ARHGAP24: variants seen among roughly 807,000 people sequenced by gnomAD.
ARHGAP24 encodes rho GTPase-activating protein 24.
A neutral mutation model predicts 76.4 loss-of-function variants in ARHGAP24; 50 were observed. That is an observed-to-expected ratio of 0.65 (90% confidence interval 0.52 to 0.83). The LOEUF is 0.83. ARHGAP24 is among the 40% of genes least tolerant of loss of function. The pLI is 0.00. For missense variants in ARHGAP24, 930 were observed against 914.2 expected, an observed-to-expected ratio of 1.02 and a Z score of -0.22; for synonymous variants, 345 against 323.3, an observed-to-expected ratio of 1.07 and a Z score of -0.72.
chr4:85,666,155 A>G (rs895821085), intron 2 of ARHGAP24, among the ~76,000 whole-genome samples: 10 of 152,142 alleles, frequency 6.6e-5, no homozygotes, highest in African/African-American at 1.9e-4. Flanking sequence ...AAGTACACCA[A>G]TCAGATGTAG....
rs1740615301 is a variant in ARHGAP24, at chr4:85,995,591, G to C, written c.1937G>C (p.Ser646Thr). Residue 646 changes from serine to threonine, a missense_variant, in exon 9 of 10, where the codon AGT (serine) becomes ACT (threonine). Transcript: ENST00000395184. The stretch of plus-strand genomic sequence containing the variant: ...AGCAGCAACCACAGTGCACTGCACA[G>C]TTTAGTTTCCAGCCTGAAACAGGAA... Reference protein sequence around the residue: ...NSSSNHSALHSLVSSLKQEMT... With the variant: ...NSSSNHSALHTLVSSLKQEMT... 22 of 1,614,012 alleles carry C rather than the reference G, an allele frequency of 1.4e-5. No individual in the cohort carries two copies. The highest frequency in any genetic ancestry group is 1.9e-5 in the Non-Finnish European group (22 of 1,180,000).
chr4:85,923,121 A>G (rs527621427), intron 3 of ARHGAP24, among the ~76,000 whole-genome samples: 48 of 152,126 alleles, frequency 3.2e-4, no homozygotes, highest in Non-Finnish European at 6.5e-4. Context: ...CTTCCAGAAC[A>G]GAGGCATAGA....
At chr4:85,995,948 A>G (rs1048288199) in intron 9 of ARHGAP24, among the ~76,000 whole-genome samples, 11 of 152,218 alleles carry the variant, frequency 7.2e-5, no homozygotes, top group African/African-American at 1.9e-4. Context: ...TTTGATTATT[A>G]TTAAATAGAT....
chr4:85,994,811 G>C lies in ARHGAP24; in HGVS notation c.1157G>C (p.Ser386Thr). ...WDKSESPQRS[S>T]MNNGSPTALS... ...AAGTCTGAGTCACCCCAGAGAAGCA[G>C]CATGAACAATGGATCCCCCACAGCT... Residue 386 changes from serine to threonine, a missense_variant, in exon 9 of 10, where the codon AGC (serine) becomes ACC (threonine). Ser to Thr is a moderately conservative substitution (Grantham distance 58, BLOSUM62 1). Coordinates refer to ENST00000395184, the MANE Select transcript of ARHGAP24 (RefSeq NM_001025616.3). 6.2e-7 allele frequency: 1 copy of C among 1,614,146 alleles called. No individual in the cohort carries two copies. Among genetic ancestry groups the C allele is most frequent in the Admixed American group, 1.7e-5 (1 of 60,016 alleles).
At chr4:85,735,299 A>G (rs1287347460) in intron 3 of ARHGAP24, among the ~76,000 whole-genome samples, 1 of 152,168 alleles carries the variant, frequency 6.6e-6, no homozygotes, top group Non-Finnish European at 1.5e-5. Context: ...CACTTCTCCC[A>G]TCATCCAGCA....
chr4:85,908,588 A>T (rs1408179890), intron 3 of ARHGAP24, among the ~76,000 whole-genome samples: 1 of 152,190 alleles, frequency 6.6e-6, no homozygotes, highest in Non-Finnish European at 1.5e-5. Flanking sequence ...AAGATGACAC[A>T]CTCAACAAAG....
chr4:85,705,123 A>G (rs1165153220), intron 2 of ARHGAP24, among the ~76,000 whole-genome samples: 2 of 152,148 alleles, frequency 1.3e-5, no homozygotes, highest in African/African-American at 2.4e-5. Flanking sequence ...ATAACACACT[A>G]TAATTTGAAT....
chr4:85,822,969 A>C (rs1239798338), intron 3 of ARHGAP24, among the ~76,000 whole-genome samples: 1 of 152,236 alleles, frequency 6.6e-6, no homozygotes, highest in Non-Finnish European at 1.5e-5. Context: ...AGTAATGGTA[A>C]TAACATGTCT....
intron 2 of ARHGAP24, among the ~76,000 whole-genome samples, chr4:85,650,922 G>A (rs1042846123): frequency 6.7e-6 from 1 of 149,662 alleles, no homozygotes; most frequent in Non-Finnish European, 1.5e-5. Context: ...TTGAAGCAAT[G>A]AATTGCCTTT....
At chr4:85,953,053 G>A (rs1301931579) in intron 5 of ARHGAP24, among the ~76,000 whole-genome samples, 2 of 152,180 alleles carry the variant, frequency 1.3e-5, no homozygotes, top group African/African-American at 2.4e-5. Context: ...TTTTGGAAGC[G>A]TTGGGAAGGT....
chr4:85,733,060 C>CTTTTTTGTTT (rs1725470812), intron 3 of ARHGAP24, among the ~76,000 whole-genome samples: 1 of 55,206 alleles, frequency 1.8e-5, no homozygotes, highest in Non-Finnish European at 3.2e-5. Flanking sequence ...GCCTCACCAA[C>CTTTTTTGTTT]TTTTTTTTTT....
chr4:85,609,409 C>A (rs1047228479), intron 2 of ARHGAP24, among the ~76,000 whole-genome samples: 1 of 152,160 alleles, frequency 6.6e-6, no homozygotes, highest in East Asian at 1.9e-4. Flanking sequence ...AAGAGTATTA[C>A]TCTGTTTCAG....
intron 3 of ARHGAP24, among the ~76,000 whole-genome samples, chr4:85,844,538 G>A (rs1249360450): frequency 6.6e-6 from 1 of 152,118 alleles, no homozygotes; most frequent in Non-Finnish European, 1.5e-5. Context: ...ACAAACACAC[G>A]CATACACACA....
At chr4:85,825,675 A>AT (rs998691166) in intron 3 of ARHGAP24, among the ~76,000 whole-genome samples, 2 of 152,174 alleles carry the variant, frequency 1.3e-5, no homozygotes, top group Non-Finnish European at 2.9e-5. Flanking sequence ...ATAAAAACTG[A>AT]TTTTTCCTTT....
At chr4:85,958,788 C>G (rs1738070415) in intron 5 of ARHGAP24, among the ~76,000 whole-genome samples, 1 of 152,112 alleles carries the variant, frequency 6.6e-6, no homozygotes, top group African/African-American at 2.4e-5. Flanking sequence ...TTTTATCACC[C>G]CAATAAGATT....
At chr4:85,518,848 G>A (rs1724625045) in intron 1 of ARHGAP24, among the ~76,000 whole-genome samples, 1 of 152,068 alleles carries the variant, frequency 6.6e-6, no homozygotes, top group Non-Finnish European at 1.5e-5. Flanking sequence ...TAAGTTTTTC[G>A]AATAATGACT....
chr4:85,820,862 C>T (rs181009613), intron 3 of ARHGAP24, among the ~76,000 whole-genome samples: 85 of 152,012 alleles, frequency 5.6e-4, no homozygotes, highest in Middle Eastern at 3.4e-3. Context: ...TATAATTTTA[C>T]TAACAAAACT....
chr4:85,834,625 A>C (rs1730169905), intron 3 of ARHGAP24, among the ~76,000 whole-genome samples: 1 of 152,206 alleles, frequency 6.6e-6, no homozygotes, highest in Non-Finnish European at 1.5e-5. Flanking sequence ...CAAAACGGAG[A>C]GAAGATCTGT....
chr4:85,747,547 C>CA (rs1318894801), intron 3 of ARHGAP24, among the ~76,000 whole-genome samples: 1 of 152,022 alleles, frequency 6.6e-6, no homozygotes, highest in African/African-American at 2.4e-5. Context: ...ACTAAAAATA[C>CA]AAAAAATTAG....
Sources: gnomAD v4.1 joint callset for allele counts (sites outside exome capture counted in the v4.1 genomes callset) on GRCh38, gnomAD v4.1.1 for gene constraint, MANE v1.5 for transcripts, NCBI Gene and HGNC (gene_info 2026-07-23, HGNC 2026-07-21) for gene names.